DCC: variants seen among roughly 807,000 people sequenced by gnomAD.
DCC encodes the protein DCC netrin 1 receptor, also known as netrin receptor DCC.
DCC carries 58 observed loss-of-function variants against 172.5 expected under a neutral mutation model. The ratio of observed to expected loss-of-function variants is 0.34; its 90% CI spans 0.27 to 0.42. The LOEUF (loss-of-function observed/expected upper bound fraction) is 0.42. Among genes scored for constraint, DCC ranks in the 10% least tolerant of loss-of-function variants. The pLI is 1.00. For synonymous variants in DCC, 709 were observed against 644.5 expected (o/e 1.10, Z -1.52); for missense variants, 1,740 against 1,791.0 (o/e 0.97, Z 0.51).
intron 1 of DCC, among the ~76,000 whole-genome samples, chr18:52,476,820 A>G (rs911473467): frequency 1.3e-5 from 2 of 152,306 alleles, no homozygotes; most frequent in Middle Eastern, 3.4e-3. Context: ...TACCTCTGAC[A>G]TAAGTAAGGG....
chr18:53,427,947 AATATATAATATAATAAT>A (rs1477476139), intron 21 of DCC, among the ~76,000 whole-genome samples: 3 of 72,676 alleles, frequency 4.1e-5, no homozygotes, highest in Non-Finnish European at 8.8e-5. Context: ...AATATATTAT[AATATATAATATAATAAT>A]ATAATATATA....
At chr18:53,027,963 A>T (rs1291448063) in intron 5 of DCC, among the ~76,000 whole-genome samples, 1 of 152,174 alleles carries the variant, frequency 6.6e-6, no homozygotes, top group East Asian at 1.9e-4. Context: ...GCATGAATAA[A>T]GATAACCATG....
chr18:53,508,482 C>T lies in DCC; in HGVS notation c.4111+8972C>T, dbSNP rs146882159. Reference sequence around the variant, plus strand: ...TGTTAGGATTACAGGCATGAGCCACCGCGCCTGGCTAAGACTGCATTTTTT... The same window carrying T: ...TGTTAGGATTACAGGCATGAGCCACTGCGCCTGGCTAAGACTGCATTTTTT... On this transcript the variant is annotated intron_variant, in intron 27 of 28. Coordinates refer to ENST00000442544, the MANE Select transcript of DCC (RefSeq NM_005215.4). Among the ~76,000 whole-genome samples, 455 of 152,294 alleles carry T rather than the reference C, an allele frequency of 3.0e-3. 2 individuals are homozygous for T. The highest frequency in any genetic ancestry group is 9.8e-3 in the African/African-American group (408 of 41,566).
At position 53,086,517 on chromosome 18, in the gene DCC, CT is replaced by C. The variant is rs1568295351; in HGVS notation, c.1261+20354del. On this transcript the variant is annotated intron_variant, in intron 7 of 28. Coordinates refer to ENST00000442544, the MANE Select transcript of DCC (RefSeq NM_005215.4). ...TTCTTCTTCCTTTCTTCTTCTTCTTCTTTCTTCTTCCTTCTTCTTCTTCTTC... is the reference window on the plus strand; with the variant it reads ...TTCTTCTTCCTTTCTTCTTCTTCTTCTTCTTCTTCCTTCTTCTTCTTCTTC... 5.6e-3 allele frequency among the ~76,000 whole-genome samples: 242 copies of C among 43,412 alleles called. 109 individuals are homozygous for C. The African/African-American group carries it at 0.06, about 11-fold the overall frequency. The allele number at this position is 43,412 out of a possible 152,430, so 28.5% of individuals were successfully genotyped here. A position where few individuals can be genotyped will look rare whatever the true frequency, so the allele number is the denominator to read the frequency against.
chr18:52,413,053 C>T (rs1046642538), intron 1 of DCC, among the ~76,000 whole-genome samples: 15 of 151,962 alleles, frequency 9.9e-5, no homozygotes, highest in African/African-American at 3.6e-4. Flanking sequence ...CATTTATTAT[C>T]TCCATTGTCT....
At chr18:53,087,937 C>G (rs575976153) in intron 7 of DCC, among the ~76,000 whole-genome samples, 64 of 151,994 alleles carry the variant, frequency 4.2e-4, no homozygotes, top group East Asian at 5.8e-4. Context: ...ATTTCTGAGG[C>G]CTCTGTTCTG....
chr18:53,406,934 T>G (rs1034001449), intron 19 of DCC, among the ~76,000 whole-genome samples: 1 of 152,144 alleles, frequency 6.6e-6, no homozygotes, highest in Non-Finnish European at 1.5e-5. Flanking sequence ...GTTTCTATTC[T>G]CCATCTCAGT....
chr18:52,847,038 T>A (rs1396683517), intron 2 of DCC, among the ~76,000 whole-genome samples: 1 of 152,222 alleles, frequency 6.6e-6, no homozygotes, highest in Non-Finnish European at 1.5e-5. Flanking sequence ...AATCCATTTT[T>A]AAATGGAACG....
At chr18:52,402,280 G>T (rs1030697681) in intron 1 of DCC, among the ~76,000 whole-genome samples, 1 of 151,986 alleles carries the variant, frequency 6.6e-6, no homozygotes, top group Non-Finnish European at 1.5e-5. Context: ...ATTTAAAACT[G>T]CATCTGGCCT....
chr18:53,127,325 G>T (rs2043576861), intron 7 of DCC, among the ~76,000 whole-genome samples: 1 of 151,708 alleles, frequency 6.6e-6, no homozygotes, highest in Admixed American at 6.6e-5. Context: ...AATTCTTAAT[G>T]GTCATCAGGA....
intron 5 of DCC, among the ~76,000 whole-genome samples, chr18:52,991,484 T>C (rs1391965279): frequency 6.6e-6 from 1 of 152,180 alleles, no homozygotes; most frequent in East Asian, 1.9e-4. Flanking sequence ...TCTGGCTTTC[T>C]CTCTAAGTGG....
At chr18:52,390,442 C>T (rs1266734562) in intron 1 of DCC, among the ~76,000 whole-genome samples, 1 of 152,102 alleles carries the variant, frequency 6.6e-6, no homozygotes, top group East Asian at 1.9e-4. Context: ...TGCCTACAGA[C>T]ACTCCAATTT....
intron 2 of DCC, among the ~76,000 whole-genome samples, chr18:52,886,423 C>T (rs2039569874): frequency 6.6e-6 from 1 of 152,162 alleles, no homozygotes; most frequent in Non-Finnish European, 1.5e-5. Flanking sequence ...CAGGGCTTAG[C>T]TGTGCACTGT....
At chr18:53,192,231 A>T (rs1329754950) in intron 9 of DCC, among the ~76,000 whole-genome samples, 1 of 152,216 alleles carries the variant, frequency 6.6e-6, no homozygotes, top group Admixed American at 6.5e-5. Flanking sequence ...AATGTCAGCG[A>T]AATCGCAAAG....
chr18:53,507,050 C>G lies in DCC; in HGVS notation c.4111+7540C>G, dbSNP rs147452219. On this transcript the variant is annotated intron_variant, in intron 27 of 28. Coordinates refer to ENST00000442544, the MANE Select transcript of DCC (RefSeq NM_005215.4). ...ACATGAAATTCTACAACCTCAGTTA[C>G]TACAGAAATAAGGGTAGATATTCTC... Among the ~76,000 whole-genome samples, 674 of 152,060 alleles carry G rather than the reference C, an allele frequency of 4.4e-3. 5 individuals are homozygous for G. Among genetic ancestry groups the G allele is most frequent in the African/African-American group, 0.013 (559 of 41,536 alleles).
At chr18:53,499,251 A>AGAC in intron 26 of DCC, 47 bp from the exon 27 acceptor site, 1 of 1,598,432 alleles carries the variant, frequency 6.3e-7, no homozygotes. Flanking sequence ...TAAGGAAAAC[A>AGAC]GACTTTGTCC....
intron 5 of DCC, among the ~76,000 whole-genome samples, chr18:52,928,766 AG>A (rs1388885895): frequency 1.3e-5 from 2 of 152,176 alleles, no homozygotes; most frequent in African/African-American, 4.8e-5. Flanking sequence ...AGTAAGGCAT[AG>A]GGTAAGTCAA....
intron 12 of DCC, among the ~76,000 whole-genome samples, chr18:53,246,496 A>G (rs536859423): frequency 1.7e-4 from 26 of 151,900 alleles, no homozygotes; most frequent in African/African-American, 5.6e-4. Context: ...TCTTTATTTT[A>G]TCTGGACTAA....
At chr18:52,990,815 C>G (rs977462519) in intron 5 of DCC, among the ~76,000 whole-genome samples, 1 of 151,970 alleles carries the variant, frequency 6.6e-6, no homozygotes, top group Non-Finnish European at 1.5e-5. Flanking sequence ...CACAGTGTGC[C>G]AGATTCATAG....
Sources: gnomAD v4.1 joint callset for allele counts (sites outside exome capture counted in the v4.1 genomes callset) on GRCh38, gnomAD v4.1.1 for gene constraint, MANE v1.5 for transcripts, NCBI Gene and HGNC (gene_info 2026-07-23, HGNC 2026-07-21) for gene names.